PPP2R2B: variants seen among roughly 807,000 people sequenced by gnomAD.
PPP2R2B encodes the protein serine/threonine-protein phosphatase 2A 55 kDa regulatory subunit B beta isoform.
Under a neutral mutation model 46.0 loss-of-function variants are expected in PPP2R2B, and 5 were observed. The ratio of observed to expected loss-of-function variants is 0.11; its 90% CI spans 0.06 to 0.23. The LOEUF (loss-of-function observed/expected upper bound fraction) is 0.23. Among genes scored for constraint, PPP2R2B ranks in the 10% least tolerant of loss-of-function variants. PPP2R2B has a pLI of 1.00. For missense variants in PPP2R2B, 367 were observed against 575.0 expected (o/e 0.64, Z 3.70); for synonymous variants, 215 against 206.7 (o/e 1.04, Z -0.34).
chr5:146,644,234 C>CAAAAAAAAAA (rs58634387), intron 6 of PPP2R2B, among the ~76,000 whole-genome samples: 1 of 60,658 alleles, frequency 1.6e-5, no homozygotes, highest in African/African-American at 6.3e-5. Flanking sequence ...AGGAAAGTTT[C>CAAAAAAAAAA]AAAAAAAAAA....
chr5:146,760,728 G>A (rs1754108460), intron 2 of PPP2R2B, among the ~76,000 whole-genome samples: 1 of 152,118 alleles, frequency 6.6e-6, no homozygotes, highest in Admixed American at 6.6e-5. Context: ...TGGCTGAGGG[G>A]AGGGGTGCTT....
chr5:146,879,241 G>A (rs1452116143), upstream of PPP2R2B: 1 of 152,722 alleles, frequency 6.5e-6, no homozygotes, highest in African/African-American at 2.4e-5. Context: ...CCTATCTTAA[G>A]CCCTCTAGTA....
intron 2 of PPP2R2B, among the ~76,000 whole-genome samples, chr5:146,729,951 G>A (rs1299903281): frequency 6.6e-6 from 1 of 152,204 alleles, no homozygotes; most frequent in African/African-American, 2.4e-5. Context: ...GTGAAGCTGT[G>A]AAAAGAGGGC....
intron 2 of PPP2R2B, among the ~76,000 whole-genome samples, chr5:146,718,326 T>C (rs1780609746): frequency 6.6e-6 from 1 of 151,910 alleles, no homozygotes; most frequent in South Asian, 2.1e-4. Context: ...AGGTTGAGGC[T>C]GCAGTGAGCT....
intron 2 of PPP2R2B, among the ~76,000 whole-genome samples, chr5:146,739,511 G>A (rs1463392823): frequency 6.6e-6 from 1 of 152,182 alleles, no homozygotes; most frequent in Non-Finnish European, 1.5e-5. Context: ...GACCAACAGA[G>A]ATTTCAATGA....
intron 7 of PPP2R2B, among the ~76,000 whole-genome samples, chr5:146,630,987 C>T (rs1486157000): frequency 6.6e-6 from 1 of 152,234 alleles, no homozygotes; most frequent in Non-Finnish European, 1.5e-5. Flanking sequence ...ATAGTGGCTG[C>T]TCAACTATGT....
intron 1 of PPP2R2B, among the ~76,000 whole-genome samples, chr5:146,985,280 A>G (rs944806548): frequency 1.3e-5 from 2 of 151,952 alleles, no homozygotes; most frequent in African/African-American, 4.8e-5. Flanking sequence ...CGGCCTCCCA[A>G]AGTGCTGAGA....
intron 2 of PPP2R2B, among the ~76,000 whole-genome samples, chr5:146,786,995 T>G (rs1357308523): frequency 6.6e-6 from 1 of 152,252 alleles, no homozygotes; most frequent in African/African-American, 2.4e-5. Flanking sequence ...AATAAATCCC[T>G]ATTTTACAGA....
chr5:146,627,333 C>T (rs952757345), intron 7 of PPP2R2B, among the ~76,000 whole-genome samples: 1 of 152,188 alleles, frequency 6.6e-6, no homozygotes, highest in African/African-American at 2.4e-5. Context: ...ATTGCAGTTG[C>T]TGTCTCAGCT....
At position 146,997,015 on chromosome 5, in the gene PPP2R2B, C is replaced by G. The variant is rs562711980; in HGVS notation, c.79+58650G>C. On this transcript the variant is annotated intron_variant, in intron 1 of 8. Transcript: ENST00000336640. ...CTTAACCTCTTTGACCTTCCATTTC[C>G]ACCTTTTAAAATTGGAAGACTCAAA... Among the ~76,000 whole-genome samples, 17 of 152,242 alleles carry G rather than the reference C, an allele frequency of 1.1e-4. No homozygotes were observed. The East Asian group carries it at 3.3e-3, about 29-fold the overall frequency.
At chr5:146,843,174 C>T (rs111275795) in intron 2 of PPP2R2B, among the ~76,000 whole-genome samples, 2,015 of 152,250 alleles carry the variant, frequency 0.013, 47 homozygotes, top group African/African-American at 0.046. Flanking sequence ...GCAATGAGGG[C>T]GAAACTCTGC....
In PPP2R2B at chr5:146,631,722, T is replaced by A. The variant is rs1041459233; in HGVS notation, c.790+6529A>T. Among the ~76,000 whole-genome samples, 7 of 152,356 alleles carry A rather than the reference T, an allele frequency of 4.6e-5. No homozygotes were observed. In the South Asian group the frequency reaches 1.4e-3, roughly 32 times the overall value. The stretch of plus-strand genomic sequence containing the variant: ...AGCTCCACAGGAAAGCCTCCAGGCA[T>A]CACTGTCCTAACACACACGGACAAC... On this transcript the variant is annotated intron_variant, in intron 7 of 9. Coordinates refer to ENST00000394411, the MANE Select transcript of PPP2R2B (RefSeq NM_181675.4).
In PPP2R2B at chr5:146,829,038, T is replaced by C. The variant is rs1433178992; in HGVS notation, c.70+48964A>G. ...AGTGAGCTGAATAATACAGACCTTTTTATGGAAAGAAAAAATTTTTTAAAA... is the reference window on the plus strand; with the variant it reads ...AGTGAGCTGAATAATACAGACCTTTCTATGGAAAGAAAAAATTTTTTAAAA... On this transcript the variant is annotated intron_variant, in intron 2 of 9. Coordinates refer to ENST00000394411, the MANE Select transcript of PPP2R2B (RefSeq NM_181675.4). 2.6e-5 allele frequency among the ~76,000 whole-genome samples: 4 copies of C among 152,306 alleles called. No homozygotes were observed. The South Asian group carries it at 8.3e-4, about 32-fold the overall frequency.
chr5:147,046,839 A>G (rs1756566812), intron 1 of PPP2R2B, among the ~76,000 whole-genome samples: 1 of 152,146 alleles, frequency 6.6e-6, no homozygotes, highest in Admixed American at 6.6e-5. Flanking sequence ...GTTGGTTTTT[A>G]TTAAACTTGA....
At chr5:146,787,482 G>A (rs1289127423) in intron 2 of PPP2R2B, among the ~76,000 whole-genome samples, 1 of 152,048 alleles carries the variant, frequency 6.6e-6, no homozygotes, top group Non-Finnish European at 1.5e-5. Context: ...GGCCACCAGA[G>A]CTCTTCCTTC....
intron 1 of PPP2R2B, among the ~76,000 whole-genome samples, chr5:147,028,221 T>C (rs909096720): frequency 1.3e-5 from 2 of 152,152 alleles, no homozygotes; most frequent in African/African-American, 2.4e-5. Flanking sequence ...GGACTTCTCA[T>C]TTTTCGGATT....
chr5:146,682,716 G>A (rs1454540589), intron 5 of PPP2R2B, among the ~76,000 whole-genome samples: 1 of 152,188 alleles, frequency 6.6e-6, no homozygotes, highest in Non-Finnish European at 1.5e-5. Flanking sequence ...TAGCACACTG[G>A]CAACTAAGTA....
intron 1 of PPP2R2B, among the ~76,000 whole-genome samples, chr5:146,901,164 C>T (rs948169348): frequency 2.6e-5 from 4 of 152,206 alleles, no homozygotes; most frequent in South Asian, 4.1e-4. Context: ...GACCAAGAAG[C>T]TTCCATTACA....
intron 1 of PPP2R2B, among the ~76,000 whole-genome samples, chr5:147,033,435 A>T (rs943243213): frequency 3.3e-5 from 5 of 152,208 alleles, no homozygotes; most frequent in Non-Finnish European, 5.9e-5. Context: ...CTTGCTTGCT[A>T]CTGTATGACC....
Sources: gnomAD v4.1 joint callset for allele counts (sites outside exome capture counted in the v4.1 genomes callset) on GRCh38, gnomAD v4.1.1 for gene constraint, MANE v1.5 for transcripts, NCBI Gene and HGNC (gene_info 2026-07-23, HGNC 2026-07-21) for gene names.